Variants in NRG1 observed in about 807,000 individuals in gnomAD.
The protein encoded by NRG1 is neuregulin 1, also known as pro-neuregulin-1, membrane-bound isoform.
In NRG1, 18 loss-of-function variants were observed where a neutral mutation model predicts 63.8. The ratio of observed to expected loss-of-function variants is 0.28; its 90% CI spans 0.19 to 0.42. The LOEUF is 0.42. Ranked by LOEUF, NRG1 falls within the 10% of genes least tolerant of loss-of-function variation. NRG1 has a pLI of 1.00. For synonymous variants in NRG1, 302 were observed against 301.3 expected (o/e 1.00, Z -0.02); for missense variants, 762 against 814.7 (o/e 0.94, Z 0.79).
Position 32,330,041 on chromosome 8 carries a change from T to TAAAAAA in NRG1, c.38-265752_38-265747dup, listed in dbSNP as rs532006401. Among the ~76,000 whole-genome samples the TAAAAAA allele has an allele frequency of 1.2e-3, 53 of 43,018 alleles. 11 individuals carry two copies. Among genetic ancestry groups the TAAAAAA allele is most frequent in the South Asian group, 4.5e-3 (3 of 668 alleles). The allele number at this position is 43,018 out of a possible 152,430, so 28.2% of individuals were successfully genotyped here. On this transcript the variant is annotated intron_variant, in intron 1 of 10. Transcript: ENST00000519301. ...GCATGTGCCTCCACACCTAGCTAAT[T>TAAAAAA]AAAAAAAAAAAAAAAAAAAAAAAAA... is the stretch of plus-strand genomic sequence containing the variant.
intron 1 of NRG1, among the ~76,000 whole-genome samples, chr8:32,017,662 C>G (rs1038283992): frequency 2.0e-5 from 3 of 152,098 alleles, no homozygotes; most frequent in Admixed American, 6.5e-5. Flanking sequence ...TAAGAGAACT[C>G]AGAAAAAGAC....
intron 1 of NRG1, among the ~76,000 whole-genome samples, chr8:32,137,509 G>A (rs1034929411): frequency 1.3e-5 from 2 of 152,072 alleles, no homozygotes; most frequent in Non-Finnish European, 2.9e-5. Flanking sequence ...TTTCTATAAA[G>A]CAATTTAATG....
chr8:31,791,790 C>T (rs1407311142), intron 1 of NRG1, among the ~76,000 whole-genome samples: 1 of 152,106 alleles, frequency 6.6e-6, no homozygotes, highest in Non-Finnish European at 1.5e-5. Context: ...TCTAGTCTTG[C>T]CCTTCGCTAC....
At chr8:32,616,804 T>G in intron 4 of NRG1, 31 bp from the exon 5 acceptor site, 1 of 1,582,860 alleles carries the variant, frequency 6.3e-7, no homozygotes, top group Non-Finnish European at 8.7e-7. Flanking sequence ...CATGACTCAA[T>G]AAAGCCTCAT....
chr8:31,968,369 G>C lies in NRG1; in HGVS notation c.37+328938G>C, dbSNP rs535644408. Among the ~76,000 whole-genome samples, 3 of 152,270 alleles carry C rather than the reference G, an allele frequency of 2.0e-5. No individual in the cohort carries two copies. The South Asian group carries it at 6.2e-4, about 32-fold the overall frequency. On this transcript the variant is annotated intron_variant, in intron 1 of 10. Coordinates refer to the NRG1 transcript ENST00000519301. ...AAGGAAAAGCAGGGAGTGCTGACAA[G>C]TCTGCTTTGTATTTGCCACCCTTTG...
chr8:31,738,877 A>C (rs896381218), intron 1 of NRG1, among the ~76,000 whole-genome samples: 5 of 152,118 alleles, frequency 3.3e-5, no homozygotes, highest in Admixed American at 1.3e-4. Context: ...AATTGGATTA[A>C]GGGTCTAACC....
At chr8:32,588,451 G>A (rs1588514920) in intron 1 of NRG1, among the ~76,000 whole-genome samples, 1 of 152,282 alleles carries the variant, frequency 6.6e-6, no homozygotes, top group Non-Finnish European at 1.5e-5. Flanking sequence ...CCCACCAAAG[G>A]AAACCAATAT....
chr8:32,423,111 T>C (rs1270256683), intron 1 of NRG1, among the ~76,000 whole-genome samples: 1 of 152,210 alleles, frequency 6.6e-6, no homozygotes, highest in Non-Finnish European at 1.5e-5. Context: ...AGCACTGCCC[T>C]ATAATTGATA....
intron 1 of NRG1, among the ~76,000 whole-genome samples, chr8:31,742,454 A>ATTT (rs1563349398): frequency 1.4e-4 from 6 of 43,264 alleles, no homozygotes; most frequent in African/African-American, 4.9e-4. Flanking sequence ...CTTTTTTAAG[A>ATTT]ATTTTTTTTT....
At chr8:31,841,414 C>G (rs1321148641) in intron 1 of NRG1, among the ~76,000 whole-genome samples, 1 of 152,074 alleles carries the variant, frequency 6.6e-6, no homozygotes, top group African/African-American at 2.4e-5. Flanking sequence ...AGACTTTCCC[C>G]TGTAGACACT....
At chr8:32,628,879 T>C (rs1487181807) in intron 5 of NRG1, among the ~76,000 whole-genome samples, 7 of 151,906 alleles carry the variant, frequency 4.6e-5, no homozygotes, top group African/African-American at 1.2e-4. Context: ...ATTACAGGTG[T>C]GCACCACCAC....
At chr8:32,591,625 C>T (rs533442631) in intron 1 of NRG1, among the ~76,000 whole-genome samples, 9 of 151,966 alleles carry the variant, frequency 5.9e-5, no homozygotes, top group East Asian at 3.9e-4. Context: ...AGTGCAATAC[C>T]GCTTGCAGAA....
intron 1 of NRG1, among the ~76,000 whole-genome samples, chr8:32,585,027 A>C (rs768595789): frequency 3.8e-4 from 58 of 152,356 alleles, no homozygotes; most frequent in Middle Eastern, 6.8e-3. Context: ...AAATATTAAC[A>C]TATCAAAATC....
intron 5 of NRG1, among the ~76,000 whole-genome samples, chr8:32,725,753 C>T (rs779417678): frequency 1.3e-5 from 2 of 151,996 alleles, no homozygotes; most frequent in South Asian, 2.1e-4. Flanking sequence ...GGATTACAGG[C>T]GTGATCCACC....
chr8:32,199,516 T>G (rs1048260670), intron 1 of NRG1, among the ~76,000 whole-genome samples: 3 of 152,200 alleles, frequency 2.0e-5, no homozygotes, highest in Non-Finnish European at 4.4e-5. Context: ...TTAGCCTACA[T>G]AAGACATAAA....
chr8:32,760,105 T>A, intron 10 of NRG1, 95 bp from the exon 11 acceptor site: 1 of 1,434,638 alleles, frequency 7.0e-7, no homozygotes, highest in East Asian at 2.3e-5. Context: ...ATCAGTAGTT[T>A]GAAACATTTG....
chr8:31,790,604 T>C (rs907666007), intron 1 of NRG1, among the ~76,000 whole-genome samples: 5 of 152,234 alleles, frequency 3.3e-5, no homozygotes, highest in Non-Finnish European at 4.4e-5. Flanking sequence ...AATTAGCATC[T>C]GTAGCTCTGT....
chr8:32,289,487 C>T (rs911423148), intron 1 of NRG1, among the ~76,000 whole-genome samples: 3 of 151,416 alleles, frequency 2.0e-5, no homozygotes, highest in African/African-American at 7.3e-5. Flanking sequence ...TGATAGTATG[C>T]TTTCGAAGTT....
intron 1 of NRG1, among the ~76,000 whole-genome samples, chr8:31,659,542 CA>C (rs1175077950): frequency 1.3e-5 from 2 of 152,000 alleles, no homozygotes; most frequent in African/African-American, 2.4e-5. Flanking sequence ...TCAGGAGCAA[CA>C]GATTGGGGTA....
Sources: allele counts gnomAD v4.1 joint callset (sites outside exome capture counted in the v4.1 genomes callset), GRCh38; gene constraint gnomAD v4.1.1; transcripts MANE v1.5; gene names NCBI Gene and HGNC (gene_info 2026-07-23, HGNC 2026-07-21).